Variants in SPDYE5 observed in about 807,000 individuals in gnomAD.
SPDYE5 encodes speedy/RINGO cell cycle regulator family member E5, also known as speedy protein E5.
A neutral mutation model predicts 48.5 loss-of-function variants in SPDYE5; 15 were observed. That is an observed-to-expected ratio of 0.31 (90% CI 0.21 to 0.48). The LOEUF is 0.48. Among genes scored for constraint, SPDYE5 ranks in the 20% least tolerant of loss-of-function variants. SPDYE5 has a pLI of 0.99. For synonymous variants in SPDYE5, 116 were observed against 200.7 expected (o/e 0.58, Z 3.57); for missense variants, 331 against 549.1 (o/e 0.60, Z 3.97).
chr7:75,492,747 A>G (rs2116589067), intron 1 of SPDYE5, among the ~76,000 whole-genome samples: 1 of 151,048 alleles, frequency 6.6e-6, no homozygotes, highest in Non-Finnish European at 1.5e-5. Context: ...CCGGGAACCC[A>G]CAGGTTTTTT....
intron 1 of SPDYE5, among the ~76,000 whole-genome samples, chr7:75,492,788 TA>T (rs1298260863): frequency 6.7e-6 from 1 of 149,208 alleles, no homozygotes; most frequent in East Asian, 1.9e-4. Flanking sequence ...GTAACTCTTT[TA>T]TTTTTTATCA....
chr7:75,499,504 C>A (rs1333737409), intron 6 of SPDYE5, among the ~76,000 whole-genome samples, 188 bp downstream of exon 6: 2 of 151,878 alleles, frequency 1.3e-5, no homozygotes, highest in Admixed American at 6.6e-5. Flanking sequence ...CAGTGGCATA[C>A]GCCTGTAATC....
chr7:75,492,309 CA>C (rs1162781416), upstream of SPDYE5, among the ~76,000 whole-genome samples: 4 of 152,256 alleles, frequency 2.6e-5, no homozygotes, highest in Non-Finnish European at 5.9e-5. Flanking sequence ...TCCAGAAAAG[CA>C]GAGCTTCCTA....
At chr7:75,499,554 G>C (rs1450518967) in intron 6 of SPDYE5, among the ~76,000 whole-genome samples, 6 of 152,186 alleles carry the variant, frequency 3.9e-5, no homozygotes, top group Non-Finnish European at 7.4e-5. Context: ...ATCACCTGAG[G>C]TCAGCAGTTC....
upstream of SPDYE5, among the ~76,000 whole-genome samples, chr7:75,492,225 A>C (rs587622106): frequency 6.6e-6 from 1 of 152,268 alleles, no homozygotes; most frequent in East Asian, 1.9e-4. Context: ...TAGGAGAGAG[A>C]GAGCAAACGA....
At chr7:75,494,875 A>G in intron 2 of SPDYE5, 1 of 1,411,446 alleles carries the variant, frequency 7.1e-7, no homozygotes, top group Non-Finnish European at 9.2e-7. Flanking sequence ...TGACAAAGCA[A>G]GATTCTGTGT....
intron 8 of SPDYE5, 96 bp downstream of exon 8, chr7:75,502,078 A>G: frequency 5.7e-6 from 8 of 1,404,164 alleles, no homozygotes; most frequent in Non-Finnish European, 6.7e-6. Context: ...AGCCTGGGCA[A>G]CGTGGCGAGA....
chr7:75,497,298 T>C (rs1351605611), intron 4 of SPDYE5, among the ~76,000 whole-genome samples: 1 of 151,576 alleles, frequency 6.6e-6, no homozygotes, highest in Non-Finnish European at 1.5e-5. Flanking sequence ...CTGGGCACAG[T>C]AGCTCATGCA....
At chr7:75,496,612 G>T (rs587620688) in intron 3 of SPDYE5, 62 bp from the exon 4 acceptor site, 3 of 1,596,904 alleles carry the variant, frequency 1.9e-6, no homozygotes, top group African/African-American at 1.3e-5. Flanking sequence ...TGGGGTTTTG[G>T]GTTGGGCTCT....
rs80073613 is a variant in SPDYE5 at position 75,493,724 on chromosome 7, G to C, written c.-324G>C. 5.0e-4 allele frequency: 700 copies of C among 1,407,562 alleles called. 1 individual carries two copies. In the African/African-American group the frequency reaches 9.2e-3, roughly 19 times the overall value. 87.2% of individuals were successfully genotyped at this position (1,407,562 alleles called of 1,614,324 possible). ...ACAGCCTCTGCTGGGACAGGGAACA[G>C]AGGGATGTGGAGTCCCTGAAGATGC... On this transcript the variant is annotated 5_prime_UTR_variant, in exon 2 of 9. Transcript: ENST00000625065.
At chr7:75,496,044 A>G (rs1323454635) in intron 3 of SPDYE5, among the ~76,000 whole-genome samples, 39 of 145,732 alleles carry the variant, frequency 2.7e-4, no homozygotes, top group Non-Finnish European at 5.6e-4. Context: ...AGAAGGAAGG[A>G]AGGGCCCAGA....
rs587676991 is a variant in SPDYE5 at position 75,494,274 on chromosome 7, G to A, written c.160+67G>A. 981 of 1,522,196 alleles carry A rather than the reference G, an allele frequency of 6.4e-4. 5 individuals are homozygous for A. In the African/African-American group the frequency reaches 0.012, roughly 19 times the overall value. 94.3% of individuals were successfully genotyped at this position (1,522,196 alleles called of 1,614,324 possible). A position where few individuals can be genotyped will look rare whatever the true frequency, so the allele number is the denominator to read the frequency against. The stretch of plus-strand genomic sequence containing the variant: ...AAGACGAAGGAAGGGGGCCAGGTGC[G>A]GTGGCTCACGCCTGTAACCCCAGCA... On this transcript the variant is annotated intron_variant, in intron 2 of 8. Transcript: ENST00000625065.
chr7:75,496,261 C>T (rs1307754558), intron 3 of SPDYE5, among the ~76,000 whole-genome samples: 3 of 148,976 alleles, frequency 2.0e-5, no homozygotes, highest in Non-Finnish European at 4.4e-5. Context: ...CTGGTGGGCA[C>T]CTGTAATCCC....
rs1554483900 is a variant in SPDYE5, at chr7:75,503,282, A to G, written c.*495A>G. 2 of 234,386 alleles carry G rather than the reference A, an allele frequency of 8.5e-6. No individual in the cohort carries two copies. Among genetic ancestry groups the G allele is most frequent in the African/African-American group, 4.7e-5 (2 of 42,268 alleles). 14.5% of individuals were successfully genotyped at this position (234,386 alleles called of 1,614,324 possible). Reference sequence around the variant, plus strand: ...ACAGATAGCTTCATGCACACTCTGCATTTTATTGGTTTGTTTGGAAAATGT... The same window carrying G: ...ACAGATAGCTTCATGCACACTCTGCGTTTTATTGGTTTGTTTGGAAAATGT... On this transcript the variant is annotated 3_prime_UTR_variant, in exon 9 of 9. Transcript: ENST00000625065.
chr7:75,494,099 A>G lies in SPDYE5; in HGVS notation c.52A>G (p.Ile18Val), dbSNP rs1792834863. The change falls in exon 2 of 9, where the codon ATC (isoleucine) becomes GTC (valine). Residue 18 changes from isoleucine to valine, a missense_variant. Coordinates refer to ENST00000625065, the MANE Select transcript of SPDYE5 (RefSeq NM_001306141.4). ...TAAGAGGGGACAGATTACGGAAAAG[A>G]TCACGACCAGCCGTCAACCGCAACC... The part of the protein sequence containing the change: ...FRKRGQITEK[I>V]TTSRQPQPQN... 1.2e-5 allele frequency: 19 copies of G among 1,534,938 alleles called. No individual in the cohort carries two copies. The South Asian group carries it at 2.3e-4, about 18-fold the overall frequency.
upstream of SPDYE5, among the ~76,000 whole-genome samples, chr7:75,492,292 T>C (rs1375931198): frequency 6.6e-6 from 1 of 152,184 alleles, no homozygotes; most frequent in African/African-American, 2.4e-5. Flanking sequence ...TGAATGCGAA[T>C]TTGAACTCCA....
At chr7:75,500,602 T>G (rs1293552561) in intron 6 of SPDYE5, among the ~76,000 whole-genome samples, 3 of 150,912 alleles carry the variant, frequency 2.0e-5, no homozygotes, top group Non-Finnish European at 4.4e-5. Flanking sequence ...GGTGAGATCA[T>G]AGCTCATCGC....
In SPDYE5 at chr7:75,502,757, T is replaced by C. The variant is rs1584744648; in HGVS notation, c.*46-76T>C. On this transcript the variant is annotated intron_variant, in intron 8 of 8. Transcript: ENST00000625065. ...TCTCAATTGCTCTGAACTCTAGACT[T>C]GACATGGGACGTGAATAACCTTCCT... 2.9e-6 allele frequency: 3 copies of C among 1,043,464 alleles called. No individual in the cohort carries two copies. In the East Asian group the frequency reaches 2.1e-4, roughly 74 times the overall value. The allele number at this position is 1,043,464 out of a possible 1,614,324, so 64.6% of individuals were successfully genotyped here. A position where few individuals can be genotyped will look rare whatever the true frequency, so the allele number is the denominator to read the frequency against.
Position 75,501,649 on chromosome 7 carries a change from G to A in SPDYE5, c.1043G>A (p.Arg348Lys), listed in dbSNP as rs1554483562. The change falls in exon 7 of 9, where the codon AGG becomes AAG. Residue 348 changes from arginine to lysine, a missense_variant. Physicochemically the swap from Arg to Lys is conservative, Grantham distance 26. Coordinates refer to ENST00000625065, the MANE Select transcript of SPDYE5 (RefSeq NM_001306141.4). ...RFQLGRSMNL[R>K]ARKNRSQIVL... Reference sequence around the variant, plus strand: ...CAGTTAGGCCGTTCCATGAACCTGAGGGCCAGGAAGAACCGCTCTCAGATA... The same window carrying A: ...CAGTTAGGCCGTTCCATGAACCTGAAGGCCAGGAAGAACCGCTCTCAGATA... 1.9e-6 allele frequency: 3 copies of A among 1,613,778 alleles called. No individual in the cohort carries two copies. The highest frequency in any genetic ancestry group is 2.2e-5 in the East Asian group (1 of 44,868).
Sources: allele counts gnomAD v4.1 joint callset (sites outside exome capture counted in the v4.1 genomes callset), GRCh38; gene constraint gnomAD v4.1.1; transcripts MANE v1.5; gene names NCBI Gene and HGNC (gene_info 2026-07-23, HGNC 2026-07-21).